WDR64: variants seen among roughly 807,000 people sequenced by gnomAD.
WDR64 encodes WD repeat-containing protein 64.
Under a neutral mutation model 139.3 loss-of-function variants are expected in WDR64, and 112 were observed. That is an observed-to-expected ratio of 0.80 (90% CI 0.69 to 0.94). The LOEUF (loss-of-function observed/expected upper bound fraction) is 0.94, where lower values mean the gene tolerates loss of function less well. WDR64 is among the 40% of genes least tolerant of loss of function. The pLI is 0.00. For synonymous variants in WDR64, 444 were observed against 437.7 expected (o/e 1.01, Z -0.18); for missense variants, 1,206 against 1,293.1 (o/e 0.93, Z 1.03).
chr1:241,733,751 A>G (rs1669184886), intron 10 of WDR64, among the ~76,000 whole-genome samples: 1 of 151,826 alleles, frequency 6.6e-6, no homozygotes, highest in Admixed American at 6.6e-5. Flanking sequence ...GATTTTCTCT[A>G]CAAGTCTTAA....
At chr1:241,659,317 C>T (rs540120086) in intron 1 of WDR64, among the ~76,000 whole-genome samples, 1 of 152,224 alleles carries the variant, frequency 6.6e-6, no homozygotes, top group Admixed American at 6.5e-5. Context: ...CATTGATGGG[C>T]ATTTGTATTG....
chr1:241,704,291 A>G (rs764236888), intron 8 of WDR64, among the ~76,000 whole-genome samples: 1 of 152,174 alleles, frequency 6.6e-6, no homozygotes, highest in Non-Finnish European at 1.5e-5. Context: ...TGATATCTCA[A>G]TGCACTGGAA....
At chr1:241,787,734 A>T (rs939350220) in intron 23 of WDR64, 115 bp from the exon 24 acceptor site, 4 of 854,872 alleles carry the variant, frequency 4.7e-6, no homozygotes, top group Non-Finnish European at 7.0e-6. Flanking sequence ...TCTTGAACCC[A>T]AGTAAAAAAA....
chr1:241,786,908 T>C (rs534221777), intron 23 of WDR64, among the ~76,000 whole-genome samples: 2 of 152,330 alleles, frequency 1.3e-5, no homozygotes, highest in Non-Finnish European at 2.9e-5. Flanking sequence ...TGGATGGAGC[T>C]AGAGGCCATT....
rs118000892 is a variant in WDR64 at position 241,796,841 on chromosome 1, A to G, written c.3192+471A>G. ...ATTCCAGATGTGTGTGTTTTAGCTC[A>G]GTGAGATGAAAATCATGAATTTGCT... On this transcript the variant is annotated intron_variant, in intron 27 of 27. Transcript: ENST00000437684. Among the ~76,000 whole-genome samples the G allele has an allele frequency of 1.6e-4, 25 of 152,312 alleles. 1 individual carries two copies. In the East Asian group the frequency reaches 4.6e-3, roughly 28 times the overall value.
rs1196760359 is a variant in WDR64 at position 241,723,387 on chromosome 1, T to G, written c.1145T>G (p.Ile382Ser). 1 of 1,613,906 alleles carries G rather than the reference T, an allele frequency of 6.2e-7. No individual in the cohort carries two copies. The highest frequency in any genetic ancestry group is 1.1e-5 in the South Asian group (1 of 91,048). ...LVGHMFSIAE[I>S]VTNEKDQHVV... ...GGACACATGTTCAGTATCGCCGAGA[T>G]CGTAACCAATGAAAAAGATCAACAT... Residue 382 changes from isoleucine to serine, a missense_variant, in exon 10 of 28, where the codon ATC (isoleucine) becomes AGC (serine). Physicochemically the swap from Ile to Ser is moderately radical, Grantham distance 142 (BLOSUM62 -2). Coordinates refer to ENST00000437684, the MANE Select transcript of WDR64 (RefSeq NM_001367482.1).
At chr1:241,772,445 T>C in intron 19 of WDR64, among the ~76,000 whole-genome samples, 1 of 133,276 alleles carries the variant, frequency 7.5e-6, no homozygotes, top group Non-Finnish European at 1.6e-5. Context: ...AATTCCAAGA[T>C]AGATCCTTTT....
intron 11 of WDR64, among the ~76,000 whole-genome samples, chr1:241,740,594 C>T (rs143961816): frequency 6.9e-4 from 105 of 151,538 alleles, no homozygotes; most frequent in African/African-American, 2.5e-3. Context: ...ATCTTTACAT[C>T]GATAAAATCA....
chr1:241,780,103 T>A, intron 22 of WDR64, 41 bp downstream of exon 22: 1 of 1,485,874 alleles, frequency 6.7e-7, no homozygotes. Flanking sequence ...TGAGTCAGCA[T>A]ATATTTATTG....
At chr1:241,653,403 C>T (rs1294918129) in intron 1 of WDR64, among the ~76,000 whole-genome samples, 1 of 152,124 alleles carries the variant, frequency 6.6e-6, no homozygotes, top group Non-Finnish European at 1.5e-5. Context: ...TGTTCAAACC[C>T]AAGCTGGTAT....
Position 241,696,775 on chromosome 1 carries a change from G to A in WDR64, c.974+9180G>A, listed in dbSNP as rs181898593. ...ATCTTGGGTTTGGTGGGATTTGGCC[G>A]GCTTCTTTACTGCAACCTGTTTTAT... On this transcript the variant is annotated intron_variant, in intron 8 of 27. Transcript: ENST00000437684. Among the ~76,000 whole-genome samples the A allele has an allele frequency of 3.5e-4, 53 of 152,156 alleles. No individual in the cohort carries two copies. The South Asian group carries it at 3.9e-3, about 11-fold the overall frequency.
intron 8 of WDR64, among the ~76,000 whole-genome samples, chr1:241,689,860 A>C (rs1178080694): frequency 1.3e-5 from 2 of 152,186 alleles, no homozygotes; most frequent in Non-Finnish European, 1.5e-5. Flanking sequence ...TAGCTGAGGA[A>C]AGAATTTATA....
At chr1:241,773,466 T>C (rs1378562588) in intron 20 of WDR64, among the ~76,000 whole-genome samples, 4 of 151,964 alleles carry the variant, frequency 2.6e-5, no homozygotes, top group African/African-American at 9.7e-5. Context: ...AGGGCATTAG[T>C]TGTTTGTTTG....
At chr1:241,785,413 T>C (rs1659000776) in intron 23 of WDR64, among the ~76,000 whole-genome samples, 1 of 152,168 alleles carries the variant, frequency 6.6e-6, no homozygotes, top group Admixed American at 6.5e-5. Flanking sequence ...CCCTCGGGCC[T>C]CTTTTTAAAA....
At chr1:241,793,791 A>T (rs1205676546) in intron 25 of WDR64, among the ~76,000 whole-genome samples, 1 of 152,254 alleles carries the variant, frequency 6.6e-6, no homozygotes, top group Non-Finnish European at 1.5e-5. Flanking sequence ...GGTACATTTT[A>T]GTTTCTCAAT....
Position 241,652,585 on chromosome 1 carries a change from C to A in WDR64, c.101C>A (p.Ala34Asp), listed in dbSNP as rs1438826561. 2.6e-6 allele frequency: 4 copies of A among 1,551,758 alleles called. No homozygotes were observed. Among genetic ancestry groups the A allele is most frequent in the Non-Finnish European group, 3.5e-6 (4 of 1,147,024 alleles). ...GAAAAATTGGTTGAACAAACAGCAG[C>A]CCAGAAAAGAGATGAAAGAGCAGGC... ...RFEKLVEQTAAQKRDERAGLF... is the reference protein window; with the variant it reads ...RFEKLVEQTADQKRDERAGLF... The change falls in exon 1 of 28, where the codon GCC becomes GAC. Residue 34 changes from alanine to aspartate, a missense_variant. By Grantham distance (126) the Ala-to-Asp change is moderately radical. Transcript: ENST00000437684.
At chr1:241,699,841 A>G (rs1466133656) in intron 8 of WDR64, among the ~76,000 whole-genome samples, 1 of 152,122 alleles carries the variant, frequency 6.6e-6, no homozygotes, top group Non-Finnish European at 1.5e-5. Flanking sequence ...CCAAGCATGA[A>G]AAGACCTGCA....
intron 8 of WDR64, among the ~76,000 whole-genome samples, chr1:241,698,945 G>A (rs1333259689): frequency 6.6e-6 from 1 of 152,226 alleles, no homozygotes; most frequent in Non-Finnish European, 1.5e-5. Context: ...GGTGGAAGGG[G>A]AAGCAAACAC....
chr1:241,679,350 G>C, intron 5 of WDR64, 135 bp from the exon 6 acceptor site: 1 of 686,240 alleles, frequency 1.5e-6, no homozygotes, highest in Non-Finnish European at 2.6e-6. Flanking sequence ...CACTCAGACA[G>C]GATGTACTGC....
Sources: gnomAD v4.1 joint callset for allele counts (sites outside exome capture counted in the v4.1 genomes callset) on GRCh38, gnomAD v4.1.1 for gene constraint, MANE v1.5 for transcripts, NCBI Gene and HGNC (gene_info 2026-07-23, HGNC 2026-07-21) for gene names.